The following WDR19 variants were observed in gnomAD, a reference collection of about 807,000 sequenced individuals.
WDR19 encodes WD repeat domain 19, also known as WD repeat-containing protein 19.
In WDR19, 121 loss-of-function variants were observed where a neutral mutation model predicts 180.0. The observed-to-expected ratio is 0.67, with a 90% CI of 0.58 to 0.78. The LOEUF is 0.78. WDR19 is among the 30% of genes least tolerant of loss of function. WDR19 has a pLI of 0.00. For synonymous variants in WDR19, 497 were observed against 540.7 expected (o/e 0.92, Z 1.12); for missense variants, 1,450 against 1,640.7 (o/e 0.88, Z 2.01).
chr4:39,199,714 G>A lies in WDR19; in HGVS notation c.522+121G>A, dbSNP rs914108436. 49 of 697,594 alleles carry A rather than the reference G, an allele frequency of 7.0e-5. 1 individual carries two copies. The highest frequency in any genetic ancestry group is 8.9e-5 in the Non-Finnish European group (38 of 428,402). The allele number at this position is 697,594 out of a possible 1,614,324, so 43.2% of individuals were successfully genotyped here. ...CTATATGTGAGGTATATATGTGTGTGTGTGTATACACAATAACTTCAAAAA... is the reference window on the plus strand; with the variant it reads ...CTATATGTGAGGTATATATGTGTGTATGTGTATACACAATAACTTCAAAAA... On this transcript the variant is annotated intron_variant, in intron 6 of 36. Transcript: ENST00000399820.
chr4:39,270,190 G>A (rs1735214671), intron 31 of WDR19, 90 bp downstream of exon 31: 1 of 1,516,358 alleles, frequency 6.6e-7, no homozygotes, highest in Admixed American at 1.8e-5. Context: ...TTGGATTCGA[G>A]TGATTGTCTA....
At chr4:39,215,233 A>G (rs933210463) in intron 10 of WDR19, among the ~76,000 whole-genome samples, 1 of 152,160 alleles carries the variant, frequency 6.6e-6, no homozygotes, top group Non-Finnish European at 1.5e-5. Context: ...AAATTCTTAT[A>G]TACAGTCATG....
Position 39,278,528 on chromosome 4 carries a change from C to T in WDR19, c.3918-11C>T, listed in dbSNP as rs775904230. 1.9e-6 allele frequency: 3 copies of T among 1,602,026 alleles called. No individual in the cohort carries two copies. In the South Asian group the frequency reaches 3.3e-5, roughly 18 times the overall value. On this transcript the variant is annotated splice_polypyrimidine_tract_variant and intron_variant, in intron 35 of 36. Transcript: ENST00000399820. ...TATTTAATTTACTCTGCCTTTCCCTCCCCTAAACAGCATGCTAAACACTGA... is the reference window on the plus strand; with the variant it reads ...TATTTAATTTACTCTGCCTTTCCCTTCCCTAAACAGCATGCTAAACACTGA...
chr4:39,251,527 A>C (rs2109431154), intron 24 of WDR19, among the ~76,000 whole-genome samples: 1 of 152,264 alleles, frequency 6.6e-6, no homozygotes, highest in South Asian at 2.1e-4. Context: ...TAATTAAACT[A>C]AAGAGCTTCT....
chr4:39,264,698 T>A (rs1262585561), intron 28 of WDR19, among the ~76,000 whole-genome samples: 1 of 152,174 alleles, frequency 6.6e-6, no homozygotes, highest in Non-Finnish European at 1.5e-5. Flanking sequence ...TCCCCTAAGC[T>A]GAGCTCCAGG....
chr4:39,254,132 C>A, intron 26 of WDR19, 102 bp downstream of exon 26: 1 of 1,213,792 alleles, frequency 8.2e-7, no homozygotes, highest in Non-Finnish European at 1.1e-6. Context: ...CAAGAATGCG[C>A]CTGGTGTAAA....
At chr4:39,257,792 C>T (rs1733906166) in intron 28 of WDR19, among the ~76,000 whole-genome samples, 1 of 151,602 alleles carries the variant, frequency 6.6e-6, no homozygotes, top group Non-Finnish European at 1.5e-5. Flanking sequence ...CTTGTGGATA[C>T]AATATCAGTG....
intron 29 of WDR19, among the ~76,000 whole-genome samples, chr4:39,266,826 G>A (rs1212695201): frequency 6.6e-6 from 1 of 152,244 alleles, no homozygotes; most frequent in Non-Finnish European, 1.5e-5. Context: ...TCTCATGCCT[G>A]TAATCCCAGC....
At chr4:39,190,477 G>A (rs1374147367) in intron 4 of WDR19, among the ~76,000 whole-genome samples, 1 of 152,166 alleles carries the variant, frequency 6.6e-6, no homozygotes, top group African/African-American at 2.4e-5. Flanking sequence ...TTTGACCTTG[G>A]ACAAATTGCT....
intron 7 of WDR19, among the ~76,000 whole-genome samples, chr4:39,204,810 C>G (rs1727777585): frequency 6.6e-6 from 1 of 152,142 alleles, no homozygotes; most frequent in South Asian, 2.1e-4. Flanking sequence ...GTGGAAGAGT[C>G]TTTATAATCT....
chr4:39,273,234 C>T (rs1360345119), intron 32 of WDR19, 173 bp downstream of exon 32: 4 of 559,136 alleles, frequency 7.2e-6, no homozygotes, highest in Non-Finnish European at 1.2e-5. Context: ...TGACTCTTCA[C>T]TGGGAGGATT....
At chr4:39,242,954 C>T (rs1732119587) in intron 21 of WDR19, among the ~76,000 whole-genome samples, 1 of 152,106 alleles carries the variant, frequency 6.6e-6, no homozygotes, top group African/African-American at 2.4e-5. Flanking sequence ...AGGCTTGAGC[C>T]ACCGCGCCCG....
chr4:39,218,293 C>A, intron 14 of WDR19, 188 bp downstream of exon 14: 1 of 757,238 alleles, frequency 1.3e-6, no homozygotes, highest in Non-Finnish European at 2.1e-6. Flanking sequence ...AGAAACGTGT[C>A]ATTGGGCAAT....
intron 36 of WDR19, among the ~76,000 whole-genome samples, chr4:39,284,570 C>G (rs937732286): frequency 6.8e-6 from 1 of 146,638 alleles, no homozygotes; most frequent in Non-Finnish European, 1.5e-5. Context: ...AACTCCTGGA[C>G]TCAAGTGATC....
intron 5 of WDR19, among the ~76,000 whole-genome samples, chr4:39,196,728 C>T (rs931284474): frequency 1.3e-5 from 2 of 152,208 alleles, no homozygotes; most frequent in African/African-American, 4.8e-5. Flanking sequence ...TTCTGTCTCA[C>T]CCAGGATAAA....
rs1191190737 is a variant in WDR19 at position 39,278,178 on chromosome 4, C to T, written c.3888C>T (p.Asp1296=). 7.5e-6 allele frequency: 12 copies of T among 1,606,722 alleles called. No individual in the cohort carries two copies. Among genetic ancestry groups the T allele is most frequent in the Non-Finnish European group, 1.0e-5 (12 of 1,176,700 alleles). ...ACTGGACGGTGTGTCCACATTGTGA[C>T]TTCCCTGCTCTATACTCAGAATTGA... ...KDDWTVCPHC[D]FPALYSELKI... The change falls in exon 35 of 37, where the codon GAC becomes GAT. Residue 1296 remains aspartate, a synonymous_variant. Transcript: ENST00000399820.
chr4:39,265,588 A>G (rs1001155764), intron 28 of WDR19, among the ~76,000 whole-genome samples: 1 of 151,914 alleles, frequency 6.6e-6, no homozygotes, highest in African/African-American at 2.4e-5. Flanking sequence ...CGTGGCCAAC[A>G]TGGTGAAACC....
At chr4:39,196,344 G>A (rs1479691313) in intron 5 of WDR19, among the ~76,000 whole-genome samples, 2 of 152,214 alleles carry the variant, frequency 1.3e-5, no homozygotes, top group African/African-American at 4.8e-5. Context: ...CTTCAGTGAG[G>A]TGTCTAGTAT....
In WDR19 at chr4:39,244,524, G is replaced by A; in HGVS notation, c.2617G>A (p.Ala873Thr). 6.2e-7 allele frequency: 1 copy of A among 1,614,000 alleles called. No homozygotes were observed. Among genetic ancestry groups the A allele is most frequent in the South Asian group, 1.1e-5 (1 of 91,082 alleles). The stretch of plus-strand genomic sequence containing the variant: ...AAAAGGTCTCTACTACGATAAAGCA[G>A]CATCTGTTTACATCCGCTCTAAGAA... ...YEKGLYYDKA[A>T]SVYIRSKNWA... The change falls in exon 23 of 37, where the codon GCA (alanine) becomes ACA (threonine). Residue 873 changes from alanine (A) to threonine (T), a missense_variant. Physicochemically the swap from Ala to Thr is moderately conservative, Grantham distance 58. Transcript: ENST00000399820.
Sources: allele counts gnomAD v4.1 joint callset (sites outside exome capture counted in the v4.1 genomes callset), GRCh38; gene constraint gnomAD v4.1.1; transcripts MANE v1.5; gene names NCBI Gene and HGNC (gene_info 2026-07-23, HGNC 2026-07-21).